Variants in HPSE2 observed in about 807,000 individuals in gnomAD.
The protein encoded by HPSE2 is heparanase 2 (inactive).
In HPSE2, 38 loss-of-function variants were observed where a neutral mutation model predicts 60.5. The ratio of observed to expected loss-of-function variants is 0.63; its 90% CI spans 0.48 to 0.82. HPSE2 has a LOEUF of 0.82. Ranked by LOEUF, HPSE2 falls within the 40% of genes least tolerant of loss-of-function variation. HPSE2 has a pLI of 0.00. For synonymous variants in HPSE2, 295 were observed against 293.2 expected (o/e 1.01, Z -0.06); for missense variants, 713 against 740.4 (o/e 0.96, Z 0.43).
At chr10:99,164,936 A>T (rs553387918) in intron 2 of HPSE2, among the ~76,000 whole-genome samples, 19 of 152,170 alleles carry the variant, frequency 1.2e-4, no homozygotes, top group Admixed American at 9.2e-4. Flanking sequence ...ATAAAAAATT[A>T]GCTGGGCATG....
chr10:98,797,379 T>C (rs1016594220), intron 3 of HPSE2, among the ~76,000 whole-genome samples: 3 of 152,036 alleles, frequency 2.0e-5, no homozygotes, highest in South Asian at 4.2e-4. Context: ...AATAGCAAAA[T>C]TGATCAAGAA....
intron 9 of HPSE2, among the ~76,000 whole-genome samples, chr10:98,612,286 T>C (rs1945783480): frequency 6.6e-6 from 1 of 152,178 alleles, no homozygotes; most frequent in African/African-American, 2.4e-5. Context: ...GAAAACACAA[T>C]TTAGAACTGG....
intron 7 of HPSE2, among the ~76,000 whole-genome samples, chr10:98,634,475 T>G (rs1393127987): frequency 6.6e-6 from 1 of 152,190 alleles, no homozygotes; most frequent in Non-Finnish European, 1.5e-5. Context: ...ATGTTTCCTT[T>G]AATTGTGCCT....
At chr10:98,689,754 ATCT>A (rs949694798) in intron 6 of HPSE2, among the ~76,000 whole-genome samples, 6 of 152,200 alleles carry the variant, frequency 3.9e-5, no homozygotes, top group African/African-American at 9.6e-5. Context: ...TGAATGACTG[ATCT>A]TCTTGTTCTT....
chr10:99,180,746 C>T (rs977076246), intron 2 of HPSE2, among the ~76,000 whole-genome samples: 1 of 151,660 alleles, frequency 6.6e-6, no homozygotes, highest in African/African-American at 2.4e-5. Context: ...AAAAATTAGC[C>T]AGGCGTGGTG....
intron 3 of HPSE2, among the ~76,000 whole-genome samples, chr10:99,080,267 T>C (rs1196493620): frequency 6.6e-6 from 1 of 152,198 alleles, no homozygotes; most frequent in East Asian, 1.9e-4. Context: ...TGGACACTAC[T>C]TTAATGAGCC....
chr10:99,112,034 G>A (rs953590802), intron 3 of HPSE2, among the ~76,000 whole-genome samples: 1 of 152,168 alleles, frequency 6.6e-6, no homozygotes, highest in East Asian at 1.9e-4. Context: ...CACATTCTAG[G>A]TGCTCAAATA....
intron 3 of HPSE2, among the ~76,000 whole-genome samples, chr10:99,092,968 C>T (rs959882277): frequency 3.3e-5 from 5 of 152,156 alleles, no homozygotes; most frequent in Admixed American, 1.3e-4. Context: ...CAGTGGCTCA[C>T]GCCTATAATC....
chr10:99,106,531 G>A (rs1195735940), intron 3 of HPSE2, among the ~76,000 whole-genome samples: 1 of 151,458 alleles, frequency 6.6e-6, no homozygotes, highest in East Asian at 1.9e-4. Flanking sequence ...AATCCAACTG[G>A]GTCATGATAT....
intron 3 of HPSE2, among the ~76,000 whole-genome samples, chr10:99,093,536 G>A (rs538453420): frequency 1.3e-5 from 2 of 152,248 alleles, no homozygotes; most frequent in East Asian, 3.9e-4. Context: ...AGAAGTCTAA[G>A]GTTGAGGCAC....
At chr10:99,313,593 T>G in the HPSE2 span, among the ~76,000 whole-genome samples, 4 of 11,190 alleles carry the variant, frequency 3.6e-4, no homozygotes, top group African/African-American at 2.4e-3. Flanking sequence ...CTGACTCCAA[T>G]TTTTTTTTTT....
At chr10:99,029,944 C>T (rs372945002) in intron 3 of HPSE2, among the ~76,000 whole-genome samples, 80 of 152,308 alleles carry the variant, frequency 5.3e-4, no homozygotes, top group Admixed American at 1.0e-3. Context: ...CACTAGACCA[C>T]GGTCTGCCTG....
chr10:98,865,042 T>G (rs1193998287), intron 3 of HPSE2, among the ~76,000 whole-genome samples: 1 of 152,086 alleles, frequency 6.6e-6, no homozygotes, highest in Non-Finnish European at 1.5e-5. Flanking sequence ...ATCAATGTTG[T>G]CACAAGAGAC....
chr10:99,077,589 T>C (rs1297625991), intron 3 of HPSE2, among the ~76,000 whole-genome samples: 1 of 152,108 alleles, frequency 6.6e-6, no homozygotes, highest in Non-Finnish European at 1.5e-5. Flanking sequence ...TGTGTGTGTA[T>C]GTGTATATGT....
At chr10:99,193,679 G>A (rs11190014) in intron 2 of HPSE2, among the ~76,000 whole-genome samples, 82,791 of 151,868 alleles carry the variant, frequency 0.55, 24,354 homozygotes, top group East Asian at 0.65. Flanking sequence ...AAACTACAAA[G>A]AGAAACCAAA....
chr10:99,239,521 C>T (rs188323157), upstream of HPSE2, among the ~76,000 whole-genome samples: 10 of 150,196 alleles, frequency 6.7e-5, no homozygotes, highest in Admixed American at 1.3e-4. Flanking sequence ...CCTCCACCTC[C>T]GGGGTTCAAG....
chr10:98,517,116 C>T (rs566574794), intron 9 of HPSE2, among the ~76,000 whole-genome samples: 19 of 151,846 alleles, frequency 1.3e-4, no homozygotes, highest in African/African-American at 4.6e-4. Flanking sequence ...ATACTATTTC[C>T]CAGATCCTAA....
intron 3 of HPSE2, among the ~76,000 whole-genome samples, chr10:98,889,361 T>C (rs1953267202): frequency 6.7e-6 from 1 of 149,476 alleles, no homozygotes; most frequent in South Asian, 2.1e-4. Flanking sequence ...CTCTCTCTCT[T>C]TTCTTTTTTT....
chr10:98,907,312 A>G (rs1250373566), intron 3 of HPSE2, among the ~76,000 whole-genome samples: 3 of 152,146 alleles, frequency 2.0e-5, no homozygotes, highest in African/African-American at 7.2e-5. Context: ...TAATCAATAT[A>G]TGAAATCTTA....
Sources: allele counts gnomAD v4.1 joint callset (sites outside exome capture counted in the v4.1 genomes callset), GRCh38; gene constraint gnomAD v4.1.1; transcripts MANE v1.5; gene names NCBI Gene and HGNC (gene_info 2026-07-23, HGNC 2026-07-21).